Variants in COL5A1 observed in about 807,000 individuals in gnomAD.
COL5A1 encodes collagen alpha-1(V) chain.
In COL5A1, 16 loss-of-function variants were observed where a neutral mutation model predicts 263.7. The observed-to-expected ratio is 0.06, with a 90% CI of 0.04 to 0.09. The LOEUF is 0.09. Ranked by LOEUF, COL5A1 falls within the 10% of genes least tolerant of loss-of-function variation. The pLI is 1.00. For synonymous variants in COL5A1, 1,012 were observed against 1,004.5 expected, an observed-to-expected ratio of 1.01 and a Z score of -0.14; for missense variants, 2,036 against 2,540.5, an observed-to-expected ratio of 0.80 and a Z score of 4.27.
Position 134,730,220 on chromosome 9 carries a change from T to C in COL5A1, c.925-16T>C, listed in dbSNP as rs1197048613. 6.2e-7 allele frequency: 1 copy of C among 1,612,696 alleles called. No homozygotes were observed. The highest frequency in any genetic ancestry group is 8.5e-7 in the Non-Finnish European group (1 of 1,179,964). ...CCTCCGCCCTGACTCCAGCTGTCTC[T>C]GTCCTTGGCTCCCAGGAGCTGACCC... On this transcript the variant is annotated splice_polypyrimidine_tract_variant and intron_variant, in intron 6 of 65. Transcript: ENST00000371817.
At chr9:134,658,297 C>A (rs1185787955) in intron 1 of COL5A1, among the ~76,000 whole-genome samples, 3 of 152,140 alleles carry the variant, frequency 2.0e-5, no homozygotes, top group African/African-American at 7.2e-5. Flanking sequence ...TTCACCATTA[C>A]CCTGAAAATC....
chr9:134,641,885 G>A lies in COL5A1; in HGVS notation c.-303G>A. The A allele has an allele frequency of 2.6e-6, 1 of 389,326 alleles. No homozygotes were observed. The highest frequency in any genetic ancestry group is 1.3e-4 in the South Asian group (1 of 7,482). The allele number at this position is 389,326 out of a possible 1,614,324, so 24.1% of individuals were successfully genotyped here. A position where few individuals can be genotyped will look rare whatever the true frequency, so the allele number is the denominator to read the frequency against. ...GGGGAGCGGGTCGCGGGGCGGCGGC[G>A]GCGAGGAGGAGGCGAGAAGGAGTTG... On this transcript the variant is annotated 5_prime_UTR_variant, in exon 1 of 66. Transcript: ENST00000371817.
intron 31 of COL5A1, among the ~76,000 whole-genome samples, chr9:134,786,889 G>A (rs535124826): frequency 6.6e-6 from 1 of 152,298 alleles, no homozygotes; most frequent in Non-Finnish European, 1.5e-5. Flanking sequence ...GTTAACAGGA[G>A]GACGGGCGTG....
At chr9:134,795,838 A>C (rs1442395908) in intron 34 of COL5A1, among the ~76,000 whole-genome samples, 1 of 152,138 alleles carries the variant, frequency 6.6e-6, no homozygotes, top group Non-Finnish European at 1.5e-5. Context: ...CCAGGATGCC[A>C]CTCCAGAGCG....
chr9:134,796,298 T>G, intron 34 of COL5A1, 76 bp from the exon 35 acceptor site: 1 of 1,511,024 alleles, frequency 6.6e-7, no homozygotes, highest in South Asian at 1.1e-5. Context: ...GACGTTTTGA[T>G]GACGTTGTGG....
At position 134,794,975 on chromosome 9, in the gene COL5A1, C is replaced by T. The variant is rs1837843550; in HGVS notation, c.2701-107C>T. ...GGTGGCGGGGAGGCCCAGGTTCCTC[C>T]TATCCTGCTCTGAATTCACAGTCTC... On this transcript the variant is annotated intron_variant, in intron 32 of 65. Transcript: ENST00000371817. The surrounding 1 kb of genome is among the most constrained non-coding windows in gnomAD (Gnocchi z 4.3). The T allele has an allele frequency of 7.7e-7, 1 of 1,306,386 alleles. No individual in the cohort carries two copies. 80.9% of individuals were successfully genotyped at this position (1,306,386 alleles called of 1,614,324 possible).
rs1836911763 is a variant in COL5A1, at chr9:134,772,891, G to T, written c.2331+57G>T. On this transcript the variant is annotated intron_variant, in intron 26 of 65. Coordinates refer to ENST00000371817, the MANE Select transcript of COL5A1 (RefSeq NM_000093.5). Reference sequence around the variant, plus strand: ...GCATCCAGGTGGGGCGGGTCCAGGTGCTCTGGGCTCAGCCTCTGCTCAGGG... The same window carrying T: ...GCATCCAGGTGGGGCGGGTCCAGGTTCTCTGGGCTCAGCCTCTGCTCAGGG... 3 of 1,545,966 alleles carry T rather than the reference G, an allele frequency of 1.9e-6. No individual in the cohort carries two copies. The South Asian group carries it at 3.3e-5, about 17-fold the overall frequency.
intron 64 of COL5A1, among the ~76,000 whole-genome samples, chr9:134,831,089 C>A (rs1386592897): frequency 1.3e-5 from 2 of 152,196 alleles, no homozygotes; most frequent in Non-Finnish European, 2.9e-5. Context: ...GAAGGCAGCC[C>A]GTGGGTTCTG....
intron 42 of COL5A1, chr9:134,808,885 T>G: frequency 1.9e-5 from 9 of 471,072 alleles, no homozygotes; most frequent in East Asian, 1.2e-4. Flanking sequence ...GCCGGCTGGA[T>G]TTGGATCCTG....
At chr9:134,719,666 A>T (rs1295090223) in intron 4 of COL5A1, among the ~76,000 whole-genome samples, 3 of 152,202 alleles carry the variant, frequency 2.0e-5, no homozygotes, top group Non-Finnish European at 4.4e-5. Flanking sequence ...AGGGCGGCAC[A>T]TCATGCTCCA....
intron 4 of COL5A1, among the ~76,000 whole-genome samples, chr9:134,709,959 G>T (rs1434517860): frequency 6.6e-6 from 1 of 152,188 alleles, no homozygotes; most frequent in Non-Finnish European, 1.5e-5. Context: ...AGTGGCTGGG[G>T]GAGCCGCCCA....
In COL5A1 at chr9:134,678,452, C is replaced by A. The variant is rs1025207654; in HGVS notation, c.110-12460C>A. 6.6e-6 allele frequency among the ~76,000 whole-genome samples: 1 copy of A among 152,240 alleles called. No homozygotes were observed. Among genetic ancestry groups the A allele is most frequent in the Admixed American group, 6.5e-5 (1 of 15,290 alleles). ...AGGCTCATTGCAGTGGCCTGCCGCC[C>A]CGGTGTGTGTCCCTGACTCAGGGGT... On this transcript the variant is annotated intron_variant, in intron 1 of 65. Coordinates refer to ENST00000371817, the MANE Select transcript of COL5A1 (RefSeq NM_000093.5). The surrounding 1 kb of genome is among the most constrained non-coding windows in gnomAD (Gnocchi z 5.5).
chr9:134,715,522 A>G (rs1834229460), intron 4 of COL5A1, among the ~76,000 whole-genome samples: 1 of 152,160 alleles, frequency 6.6e-6, no homozygotes, highest in Admixed American at 6.5e-5. Context: ...CTATGAGGCC[A>G]TATTTCAGAC....
At chr9:134,714,697 G>A (rs1171203815) in intron 4 of COL5A1, among the ~76,000 whole-genome samples, 2 of 141,828 alleles carry the variant, frequency 1.4e-5, no homozygotes, top group African/African-American at 2.7e-5. Context: ...TGGTGAAGGT[G>A]GTAGTGGAGG....
intron 1 of COL5A1, among the ~76,000 whole-genome samples, chr9:134,685,106 C>T (rs1832980715): frequency 7.0e-6 from 1 of 143,306 alleles, no homozygotes; most frequent in African/African-American, 2.6e-5. Context: ...CATCCACCAT[C>T]CATCCATTCA....
At position 134,817,825 on chromosome 9, in the gene COL5A1, G is replaced by C; in HGVS notation, c.4224G>C (p.Gly1408=). The stretch of plus-strand genomic sequence containing the variant: ...CCGAAGGCAGACAGGGAGAGAAAGG[G>C]GCCAAGGTAACGTGTTTTGGAGCCA... The part of the protein sequence containing the change: ...AGPEGRQGEK[G]AKGEAGLEGP... Residue 1408 remains glycine (G), a synonymous_variant, in exon 54 of 66, where the codon GGG becomes GGC. Transcript: ENST00000371817. 1 of 1,607,922 alleles carries C rather than the reference G, an allele frequency of 6.2e-7. No individual in the cohort carries two copies. The highest frequency in any genetic ancestry group is 8.5e-7 in the Non-Finnish European group (1 of 1,177,132).
At chr9:134,732,024 C>T (rs1167430300) in intron 8 of COL5A1, 47 bp from the exon 9 acceptor site, 2 of 1,605,238 alleles carry the variant, frequency 1.2e-6, no homozygotes, top group South Asian at 2.2e-5. Flanking sequence ...CTTTCTTTCT[C>T]ACTTTTCTCT....
In COL5A1 at chr9:134,796,509, G is replaced by A; in HGVS notation, c.2844+91G>A. On this transcript the variant is annotated intron_variant, in intron 35 of 65. Transcript: ENST00000371817. ...TTGTCCTGGGGTGGGCTGGGGCCAG[G>A]GAGGCACGCCTCAGACCCTGCTGAA... 25 of 1,346,398 alleles carry A rather than the reference G, an allele frequency of 1.9e-5. No individual in the cohort carries two copies. The South Asian group carries it at 2.8e-4, about 15-fold the overall frequency. The allele number at this position is 1,346,398 out of a possible 1,614,324, so 83.4% of individuals were successfully genotyped here. A position where few individuals can be genotyped will look rare whatever the true frequency, so the allele number is the denominator to read the frequency against.
chr9:134,710,770 T>G (rs1588460020), intron 4 of COL5A1, among the ~76,000 whole-genome samples: 1 of 66,490 alleles, frequency 1.5e-5, no homozygotes, highest in Admixed American at 2.1e-4. Context: ...ATCTGTGGGG[T>G]GCAGTGGTGG....
Sources: gnomAD v4.1 joint callset for allele counts (sites outside exome capture counted in the v4.1 genomes callset) on GRCh38, gnomAD v4.1.1 for gene constraint, Gnocchi (gnomAD v3.1) non-coding constraint, MANE v1.5 for transcripts, NCBI Gene and HGNC (gene_info 2026-07-23, HGNC 2026-07-21) for gene names.